The following CCDC18 variants were observed in gnomAD, a reference collection of about 807,000 sequenced individuals.
The protein encoded by CCDC18 is coiled-coil domain containing 18, also known as coiled-coil domain-containing protein 18.
A neutral mutation model predicts 196.0 loss-of-function variants in CCDC18; 157 were observed. The observed-to-expected ratio is 0.80, with a 90% confidence interval of 0.70 to 0.91. The LOEUF (loss-of-function observed/expected upper bound fraction) is 0.91. Among genes scored for constraint, CCDC18 ranks in the 40% least tolerant of loss-of-function variants. The probability of loss-of-function intolerance (pLI) is 0.00; values close to 1 mark genes in which losing one functional copy is unlikely to be tolerated. For synonymous variants in CCDC18, 482 were observed against 529.2 expected, an observed-to-expected ratio of 0.91 and a Z score of 1.22; for missense variants, 1,465 against 1,611.6, an observed-to-expected ratio of 0.91 and a Z score of 1.56.
At chr1:93,249,922 C>A (rs1662005866) in intron 23 of CCDC18, among the ~76,000 whole-genome samples, 1 of 151,936 alleles carries the variant, frequency 6.6e-6, no homozygotes, top group Non-Finnish European at 1.5e-5. Context: ...TGTTGTATAT[C>A]CATTTTTATT....
intron 8 of CCDC18, among the ~76,000 whole-genome samples, chr1:93,206,327 G>A (rs1054088917): frequency 6.6e-6 from 1 of 152,078 alleles, no homozygotes; most frequent in Non-Finnish European, 1.5e-5. Context: ...ATCGGTTATC[G>A]ATTGCAAGAT....
intron 26 of CCDC18, among the ~76,000 whole-genome samples, chr1:93,263,653 C>A (rs1664111293): frequency 6.6e-6 from 1 of 152,214 alleles, no homozygotes; most frequent in African/African-American, 2.4e-5. Context: ...AACCATTTGA[C>A]AAGTCTGTAG....
chr1:93,200,372 G>C (rs1025753310), intron 6 of CCDC18, among the ~76,000 whole-genome samples: 2 of 149,670 alleles, frequency 1.3e-5, no homozygotes, highest in Non-Finnish European at 3.0e-5. Flanking sequence ...TGGACACAGT[G>C]ACTCACTCCA....
chr1:93,244,022 T>A (rs1373780057), intron 21 of CCDC18, among the ~76,000 whole-genome samples: 1 of 152,198 alleles, frequency 6.6e-6, no homozygotes, highest in African/African-American at 2.4e-5. Flanking sequence ...ACCAATTTAC[T>A]GTATTAGTGA....
At chr1:93,213,464 A>T (rs1656011563) in intron 11 of CCDC18, among the ~76,000 whole-genome samples, 2 of 147,100 alleles carry the variant, frequency 1.4e-5, no homozygotes, top group South Asian at 2.1e-4. Flanking sequence ...TAGATTATTG[A>T]TTTTAGACCT....
chr1:93,265,195 C>G (rs942868373), intron 27 of CCDC18, among the ~76,000 whole-genome samples: 1 of 152,108 alleles, frequency 6.6e-6, no homozygotes, highest in Non-Finnish European at 1.5e-5. Flanking sequence ...TCAAAATCAG[C>G]AAAGTTCTTT....
intron 18 of CCDC18, among the ~76,000 whole-genome samples, chr1:93,234,901 T>G (rs1000485068): frequency 3.4e-5 from 5 of 148,990 alleles, no homozygotes; most frequent in African/African-American, 1.2e-4. Flanking sequence ...TTCCCACTTC[T>G]GCCTTCCAAG....
rs1414580529 is a variant in CCDC18, at chr1:93,234,975, C to CTTTTCTTTTT, written c.2461-1258_2461-1249dup. Among the ~76,000 whole-genome samples, 4 of 42,064 alleles carry CTTTTCTTTTT rather than the reference C, an allele frequency of 9.5e-5. No individual in the cohort carries two copies. The East Asian group carries it at 3.0e-3, about 31-fold the overall frequency. The allele number at this position is 42,064 out of a possible 152,430, so 27.6% of individuals were successfully genotyped here. A position where few individuals can be genotyped will look rare whatever the true frequency, so the allele number is the denominator to read the frequency against. ...TGTGTGTGTGTGTGTGTGTGTGTGG[C>CTTTTCTTTTT]TTTTCTTTTTTTTTCTTTTTTTTTT... On this transcript the variant is annotated intron_variant, in intron 18 of 28. Transcript: ENST00000690025.
chr1:93,224,805 G>GT (rs1658028942), intron 16 of CCDC18, among the ~76,000 whole-genome samples: 1 of 152,112 alleles, frequency 6.6e-6, no homozygotes, highest in African/African-American at 2.4e-5. Context: ...TAACTATTAG[G>GT]TAGTGATATT....
chr1:93,190,922 CA>C, intron 4 of CCDC18: 1 of 772,670 alleles, frequency 1.3e-6, no homozygotes, highest in South Asian at 1.3e-5. Flanking sequence ...CCACCATAAC[CA>C]CTCTGCTTCC....
intron 14 of CCDC18, among the ~76,000 whole-genome samples, chr1:93,218,675 A>C (rs1656901898): frequency 6.6e-6 from 1 of 152,014 alleles, no homozygotes; most frequent in Non-Finnish European, 1.5e-5. Context: ...AAGCCTGGCT[A>C]ATTTTTGTAT....
At chr1:93,203,299 C>G (rs1399978072) in intron 7 of CCDC18, among the ~76,000 whole-genome samples, 1 of 151,996 alleles carries the variant, frequency 6.6e-6, no homozygotes, top group African/African-American at 2.4e-5. Context: ...TCAAAATAGA[C>G]AGTTTAAGAA....
chr1:93,228,753 T>C (rs1658799847), intron 17 of CCDC18, among the ~76,000 whole-genome samples: 4 of 151,812 alleles, frequency 2.6e-5, no homozygotes. Flanking sequence ...CTACTGCCCA[T>C]ACCCACACTC....
chr1:93,193,881 C>A, intron 6 of CCDC18, 137 bp downstream of exon 6: 1 of 583,414 alleles, frequency 1.7e-6, no homozygotes, highest in Non-Finnish European at 2.7e-6. Flanking sequence ...TCTTTTTTAT[C>A]TATTAATTTT....
intron 4 of CCDC18, chr1:93,190,676 C>CT (rs199651874): frequency 0.037 from 11,419 of 305,098 alleles, 66 homozygotes; most frequent in Non-Finnish European, 0.046. Context: ...TTTTCTTTCC[C>CT]TTTTTTTTTT....
chr1:93,259,494 T>TA (rs1240780818), intron 26 of CCDC18, among the ~76,000 whole-genome samples: 1 of 152,178 alleles, frequency 6.6e-6, no homozygotes, highest in Non-Finnish European at 1.5e-5. Context: ...ATAAATTACT[T>TA]ACGTTTAGTG....
rs1571345582 is a variant in CCDC18, at chr1:93,190,937, C to G, written c.463-1063C>G. ...CCACCATAACCACTCTGCTTCCTGT[C>G]ATATCGACACTTTCCCTGGGCATAC... is the stretch of plus-strand genomic sequence containing the variant. On this transcript the variant is annotated intron_variant, in intron 4 of 28. Coordinates refer to ENST00000690025, the MANE Select transcript of CCDC18 (RefSeq NM_001378204.1). 8 of 819,034 alleles carry G rather than the reference C, an allele frequency of 9.8e-6. No individual in the cohort carries two copies. The East Asian group carries it at 2.1e-4, about 22-fold the overall frequency. The allele number at this position is 819,034 out of a possible 1,614,324, so 50.7% of individuals were successfully genotyped here.
intron 27 of CCDC18, 36 bp downstream of exon 27, chr1:93,264,937 TG>T: frequency 7.0e-7 from 1 of 1,420,296 alleles, no homozygotes; most frequent in Non-Finnish European, 9.9e-7. Flanking sequence ...AGCATATCTA[TG>T]AAAACATAAA....
At chr1:93,234,164 C>CT (rs1381916822) in intron 18 of CCDC18, among the ~76,000 whole-genome samples, 11 of 149,346 alleles carry the variant, frequency 7.4e-5, no homozygotes, top group East Asian at 2.0e-4. Flanking sequence ...ACTTTTTTTT[C>CT]TTTTTTTTCT....
Sources: allele counts gnomAD v4.1 joint callset (sites outside exome capture counted in the v4.1 genomes callset), GRCh38; gene constraint gnomAD v4.1.1; transcripts MANE v1.5; gene names NCBI Gene and HGNC (gene_info 2026-07-23, HGNC 2026-07-21).